The following DNAJC9 variants were observed in gnomAD, a reference collection of about 807,000 sequenced individuals.
The protein encoded by DNAJC9 is dnaJ homolog subfamily C member 9.
A neutral mutation model predicts 32.4 loss-of-function variants in DNAJC9; 18 were observed. The ratio of observed to expected loss-of-function variants is 0.56; its 90% confidence interval spans 0.38 to 0.82. The LOEUF is 0.82. DNAJC9 is among the 40% of genes least tolerant of loss of function. DNAJC9 has a pLI of 0.00. For synonymous variants in DNAJC9, 113 were observed against 122.1 expected, an observed-to-expected ratio of 0.93 and a Z score of 0.49; for missense variants, 310 against 321.8, an observed-to-expected ratio of 0.96 and a Z score of 0.28.
downstream of DNAJC9, chr10:73,239,083 GTAA>G (rs1358503038): frequency 2.1e-6 from 1 of 468,362 alleles, no homozygotes; most frequent in African/African-American, 2.0e-5. Context: ...TAACGGCATA[GTAA>G]TAATATTGAA....
chr10:73,238,352 C>A (rs1002067044), downstream of DNAJC9, among the ~76,000 whole-genome samples: 1 of 152,058 alleles, frequency 6.6e-6, no homozygotes, highest in Non-Finnish European at 1.5e-5. Context: ...TCTGTCCCCC[C>A]ACAAAAAAAA....
At chr10:73,235,991 C>G (rs560298391), downstream of DNAJC9, among the ~76,000 whole-genome samples, 1 of 152,300 alleles carries the variant, frequency 6.6e-6, no homozygotes, top group African/African-American at 2.4e-5. Flanking sequence ...CCCACATAAT[C>G]TGCTTTGTGG....
chr10:73,235,296 C>G (rs1251466271), downstream of DNAJC9: 13 of 1,551,936 alleles, frequency 8.4e-6, no homozygotes, highest in Non-Finnish European at 1.0e-5. Context: ...TTCCCCAGGC[C>G]CAACACAACT....
At chr10:73,240,455 G>A (rs1045713777), downstream of DNAJC9, among the ~76,000 whole-genome samples, 13 of 152,330 alleles carry the variant, frequency 8.5e-5, no homozygotes, top group African/African-American at 2.6e-4. Flanking sequence ...GCTCATGCCT[G>A]TAATCCCAGC....
At position 73,244,193 on chromosome 10, in the gene DNAJC9, T is replaced by C. The variant is rs560278992; in HGVS notation, c.577-264A>G. 1.9e-5 allele frequency: 8 copies of C among 426,440 alleles called. No homozygotes were observed. In the South Asian group the frequency reaches 2.1e-4, roughly 11 times the overall value. The allele number at this position is 426,440 out of a possible 1,614,324, so 26.4% of individuals were successfully genotyped here. On this transcript the variant is annotated intron_variant, in intron 3 of 4. Transcript: ENST00000372950. ...AGTACTCTGGCACTCATAAATCACA[T>C]GATGATAAAAAGGAACATGAGGCCG...
At chr10:73,235,459 T>C, downstream of DNAJC9, 3 of 1,445,690 alleles carry the variant, frequency 2.1e-6, no homozygotes, top group South Asian at 1.5e-5. Context: ...AAAAGTGTTA[T>C]AAATACATTT....
In DNAJC9 at chr10:73,247,253, A is replaced by T; in HGVS notation, c.-64T>A. On this transcript the variant is annotated 5_prime_UTR_variant, in exon 1 of 5. Transcript: ENST00000372950. ...CCAGCTGCGCCGGGTACAACCCAGG[A>T]CTGCTTCTTTTTCGCGCCCAAAAAG... is the stretch of plus-strand genomic sequence containing the variant. The T allele has an allele frequency of 6.5e-7, 1 of 1,542,940 alleles. No homozygotes were observed. The highest frequency in any genetic ancestry group is 8.8e-7 in the Non-Finnish European group (1 of 1,142,490).
downstream of DNAJC9, among the ~76,000 whole-genome samples, chr10:73,240,571 G>A (rs567669417): frequency 1.3e-5 from 2 of 152,208 alleles, no homozygotes; most frequent in South Asian, 4.2e-4. Context: ...AATTAGCCGG[G>A]TGTGGTGGCA....
downstream of DNAJC9, among the ~76,000 whole-genome samples, chr10:73,239,615 C>T (rs2043897712): frequency 1.3e-5 from 2 of 150,736 alleles, no homozygotes; most frequent in Non-Finnish European, 1.5e-5. Flanking sequence ...TTTCTTCATA[C>T]CATGTAAATT....
chr10:73,246,897 A>G (rs2044019924), intron 1 of DNAJC9, 69 bp from the exon 2 acceptor site: 3 of 1,607,028 alleles, frequency 1.9e-6, no homozygotes, highest in Admixed American at 3.4e-5. Flanking sequence ...AGAAATAAAG[A>G]TCAGAAGGCG....
At chr10:73,236,516 TGA>T, downstream of DNAJC9, among the ~76,000 whole-genome samples, 3 of 151,252 alleles carry the variant, frequency 2.0e-5, no homozygotes, top group Non-Finnish European at 4.4e-5. Flanking sequence ...TGGGTTCATG[TGA>T]TTCTCCTGCC....
chr10:73,240,454 T>C (rs1313929808), downstream of DNAJC9, among the ~76,000 whole-genome samples: 1 of 152,206 alleles, frequency 6.6e-6, no homozygotes, highest in Non-Finnish European at 1.5e-5. Flanking sequence ...GGCTCATGCC[T>C]GTAATCCCAG....
chr10:73,234,652 T>C, downstream of DNAJC9: 1 of 734,820 alleles, frequency 1.4e-6, no homozygotes, highest in Non-Finnish European at 2.2e-6. Context: ...TTTTAAAAAC[T>C]AATTTTCCAA....
downstream of DNAJC9, chr10:73,234,821 G>A (rs909209417): frequency 5.2e-6 from 8 of 1,551,342 alleles, no homozygotes; most frequent in Admixed American, 1.2e-4. Flanking sequence ...CTGCAGCCCA[G>A]TGGCACCCGA....
chr10:73,237,421 C>CTT (rs539055192), downstream of DNAJC9, among the ~76,000 whole-genome samples: 1 of 145,854 alleles, frequency 6.9e-6, no homozygotes, highest in African/African-American at 2.5e-5. Flanking sequence ...TTCTCTGAAA[C>CTT]TTTTTTTTTT....
chr10:73,238,192 A>G (rs1305228409), downstream of DNAJC9, among the ~76,000 whole-genome samples: 1 of 152,070 alleles, frequency 6.6e-6, no homozygotes, highest in African/African-American at 2.4e-5. Context: ...TAAAAATACA[A>G]GAAAATTAGC....
At chr10:73,234,725 A>G (rs1589194791), downstream of DNAJC9, 1 of 1,381,666 alleles carries the variant, frequency 7.2e-7, no homozygotes, top group African/African-American at 1.4e-5. Context: ...CATTAAACTC[A>G]TCTGCTTCAT....
Position 73,233,026 on chromosome 10 carries a change from T to C in DNAJC9, n.147+10817A>G, listed in dbSNP as rs1269212939. The C allele has an allele frequency of 3.9e-6, 6 of 1,551,670 alleles. No homozygotes were observed. The African/African-American group carries it at 6.8e-5, about 18-fold the overall frequency. Reference sequence around the variant, plus strand: ...GGCCAAATCGAGCTGTGGAGTTTAGTACATCATCTCTGTCATACACAGTGC... The same window carrying C: ...GGCCAAATCGAGCTGTGGAGTTTAGCACATCATCTCTGTCATACACAGTGC... On this transcript the variant is annotated intron_variant and non_coding_transcript_variant, in intron 2 of 2. Coordinates refer to the DNAJC9 transcript ENST00000469143.
At chr10:73,240,879 G>A, downstream of DNAJC9, 3 of 933,280 alleles carry the variant, frequency 3.2e-6, no homozygotes, top group Non-Finnish European at 5.1e-6. Flanking sequence ...AAAGCCCTTA[G>A]CTATAAACTT....
Sources: gnomAD v4.1 joint callset for allele counts (sites outside exome capture counted in the v4.1 genomes callset) on GRCh38, gnomAD v4.1.1 for gene constraint, MANE v1.5 for transcripts, NCBI Gene and HGNC (gene_info 2026-07-23, HGNC 2026-07-21) for gene names.